CRISPLD1: variants seen among roughly 807,000 people sequenced by gnomAD.
CRISPLD1 encodes the protein cysteine rich secretory protein LCCL domain containing 1.
In CRISPLD1, 60 loss-of-function variants were observed where a neutral mutation model predicts 77.5. That is an observed-to-expected ratio of 0.77 (90% CI 0.63 to 0.96). The LOEUF (loss-of-function observed/expected upper bound fraction) is 0.96, where lower values mean the gene tolerates loss of function less well. Among genes scored for constraint, CRISPLD1 ranks in the 40% least tolerant of loss-of-function variants. The pLI, the probability that CRISPLD1 is intolerant of heterozygous loss-of-function variation, is 0.00. For missense variants in CRISPLD1, 623 were observed against 615.8 expected (o/e 1.01, Z -0.12); for synonymous variants, 195 against 200.1 (o/e 0.97, Z 0.22).
At chr8:75,005,487 T>C (rs1396087439) in intron 2 of CRISPLD1, among the ~76,000 whole-genome samples, 1 of 152,114 alleles carries the variant, frequency 6.6e-6, no homozygotes, top group Non-Finnish European at 1.5e-5. Flanking sequence ...TGCATACTTT[T>C]GTATCTGTCT....
intron 2 of CRISPLD1, among the ~76,000 whole-genome samples, chr8:74,987,931 G>A (rs1812520085): frequency 6.6e-6 from 1 of 152,138 alleles, no homozygotes; most frequent in African/African-American, 2.4e-5. Context: ...AATAATAACT[G>A]CCTATTGTAT....
intron 2 of CRISPLD1, among the ~76,000 whole-genome samples, chr8:75,002,690 C>T (rs926774763): frequency 1.3e-5 from 2 of 151,822 alleles, no homozygotes; most frequent in African/African-American, 4.8e-5. Context: ...AGGGGCAACA[C>T]GTTCTGAAAT....
intron 2 of CRISPLD1, among the ~76,000 whole-genome samples, chr8:75,010,175 C>T (rs1453234995): frequency 6.6e-6 from 1 of 151,988 alleles, no homozygotes; most frequent in Non-Finnish European, 1.5e-5. Flanking sequence ...TGATAATAAA[C>T]TTATTCTAAT....
Position 75,033,147 on chromosome 8 carries a change from A to C in CRISPLD1, c.*905A>C, listed in dbSNP as rs144808555. ...AATATTGCCATATCATGGTACCTATAATGGTGATATATTTGTTTCTATGAA... is the reference window on the plus strand; with the variant it reads ...AATATTGCCATATCATGGTACCTATCATGGTGATATATTTGTTTCTATGAA... On this transcript the variant is annotated 3_prime_UTR_variant, in exon 15 of 15. Transcript: ENST00000262207. 90 of 152,422 alleles carry C rather than the reference A, an allele frequency of 5.9e-4. 1 individual carries two copies. Among genetic ancestry groups the C allele is most frequent in the African/African-American group, 2.0e-3 (85 of 41,538 alleles). 9.4% of individuals were successfully genotyped at this position (152,422 alleles called of 1,614,324 possible). A position where few individuals can be genotyped will look rare whatever the true frequency, so the allele number is the denominator to read the frequency against.
At chr8:74,996,823 A>G (rs114460786) in intron 2 of CRISPLD1, among the ~76,000 whole-genome samples, 3,140 of 149,190 alleles carry the variant, frequency 0.021, 116 homozygotes, top group African/African-American at 0.074. Flanking sequence ...GGCCCAAGCA[A>G]TCCTCCACCT....
intron 7 of CRISPLD1, 69 bp downstream of exon 7, chr8:75,016,774 A>G: frequency 1.3e-6 from 2 of 1,554,952 alleles, no homozygotes; most frequent in Non-Finnish European, 1.7e-6. Context: ...AGATTTTATT[A>G]ATTTGAACAT....
rs751712792 is a variant in CRISPLD1, at chr8:75,017,039, T to A, written c.930-8T>A. The A allele has an allele frequency of 5.6e-6, 9 of 1,609,182 alleles. No individual in the cohort carries two copies. Among genetic ancestry groups the A allele is most frequent in the Non-Finnish European group, 7.6e-6 (9 of 1,177,404 alleles). ...AACTAAATTTTGTGCCCAATTACTT[T>A]TATTTAGGTACGAATGTCCTGCTGG... On this transcript the variant is annotated splice_polypyrimidine_tract_variant and splice_region_variant and intron_variant, in intron 8 of 14. Coordinates refer to ENST00000262207, the MANE Select transcript of CRISPLD1 (RefSeq NM_031461.6).
At chr8:75,016,127 A>G (rs2128786051) in intron 6 of CRISPLD1, among the ~76,000 whole-genome samples, 1 of 152,280 alleles carries the variant, frequency 6.6e-6, no homozygotes, top group East Asian at 1.9e-4. Flanking sequence ...GGGCATGTAA[A>G]TCCTTCTTTA....
Position 74,986,254 on chromosome 8 carries a change from A to AT in CRISPLD1, c.258+14dup, listed in dbSNP as rs749150134. The AT allele has an allele frequency of 6.2e-7, 1 of 1,612,196 alleles. No homozygotes were observed. Among genetic ancestry groups the AT allele is most frequent in the African/African-American group, 1.3e-5 (1 of 74,810 alleles). ...CTAATATGGAGTATATGGTAAGGAC[A>AT]TTTTTCAAGTGGTATGTACAAAAGA... On this transcript the variant is annotated intron_variant, in intron 2 of 14. Transcript: ENST00000262207.
Position 74,993,214 on chromosome 8 carries a change from A to G in CRISPLD1, c.258+6969A>G, listed in dbSNP as rs553162333. The stretch of plus-strand genomic sequence containing the variant: ...TTGATTGCAATGAATATTTTATTGC[A>G]ATTAAGGTTTAATGGCAATTAAGGT... On this transcript the variant is annotated intron_variant, in intron 2 of 14. Coordinates refer to ENST00000262207, the MANE Select transcript of CRISPLD1 (RefSeq NM_031461.6). Among the ~76,000 whole-genome samples, 43 of 152,326 alleles carry G rather than the reference A, an allele frequency of 2.8e-4. 1 individual carries two copies. The South Asian group carries it at 8.7e-3, about 31-fold the overall frequency.
chr8:74,997,283 C>T (rs1030251031), intron 2 of CRISPLD1, among the ~76,000 whole-genome samples: 2 of 151,986 alleles, frequency 1.3e-5, no homozygotes, highest in African/African-American at 4.8e-5. Context: ...AGTGGTTCCA[C>T]GGTATGTTCT....
At chr8:75,006,740 A>G (rs554066498) in intron 2 of CRISPLD1, among the ~76,000 whole-genome samples, 2 of 152,040 alleles carry the variant, frequency 1.3e-5, no homozygotes, top group African/African-American at 2.4e-5. Context: ...CTGTAAAACT[A>G]CTTAACAAAT....
At chr8:75,019,833 A>G (rs776627897) in intron 10 of CRISPLD1, 37 bp from the exon 11 acceptor site, 4 of 1,548,818 alleles carry the variant, frequency 2.6e-6, no homozygotes, top group Admixed American at 1.7e-5. Flanking sequence ...TGATGCCTAT[A>G]TGAAAATAAT....
At chr8:75,000,236 C>G in intron 2 of CRISPLD1, 2 of 985,176 alleles carry the variant, frequency 2.0e-6, no homozygotes, top group Non-Finnish European at 2.4e-6. Context: ...CGTGTCAAAT[C>G]TGTATCTGAA....
intron 13 of CRISPLD1, among the ~76,000 whole-genome samples, 179 bp from the exon 14 acceptor site, chr8:75,029,208 C>T (rs1375747685): frequency 6.6e-6 from 1 of 152,182 alleles, no homozygotes; most frequent in Non-Finnish European, 1.5e-5. Flanking sequence ...TCCAAATTGG[C>T]TTTGACTTTG....
chr8:75,004,347 A>G (rs1198267500), intron 2 of CRISPLD1, among the ~76,000 whole-genome samples: 4 of 152,120 alleles, frequency 2.6e-5, no homozygotes, highest in Non-Finnish European at 5.9e-5. Context: ...GCTGCTTGCC[A>G]TAGTGCATTT....
intron 2 of CRISPLD1, among the ~76,000 whole-genome samples, chr8:75,011,117 T>TG (rs199868098): frequency 6.6e-6 from 1 of 151,528 alleles, no homozygotes; most frequent in Non-Finnish European, 1.5e-5. Context: ...TCTTTTTTTT[T>TG]GTATCTTTAT....
In CRISPLD1 at chr8:75,016,938, A is replaced by G. The variant is rs544907412; in HGVS notation, c.926A>G (p.Asn309Ser). 2.7e-5 allele frequency: 42 copies of G among 1,547,156 alleles called. No individual in the cohort carries two copies. In the East Asian group the frequency reaches 7.9e-4, roughly 29 times the overall value. Residue 309 changes from asparagine (N) to serine (S), a missense_variant, in exon 8 of 15, where the codon AAT (asparagine) becomes AGT (serine). Coordinates refer to ENST00000262207, the MANE Select transcript of CRISPLD1 (RefSeq NM_031461.6). ...GATCAGTGCAAAGGAACAACCTGCA[A>G]TAGGTAATATTTGTTATTATTTTGA... Reference protein sequence around the residue: ...LRDQCKGTTCNRYECPAGCLD... With the variant: ...LRDQCKGTTCSRYECPAGCLD...
At chr8:74,991,469 G>T (rs1812572421) in intron 2 of CRISPLD1, among the ~76,000 whole-genome samples, 1 of 152,132 alleles carries the variant, frequency 6.6e-6, no homozygotes, top group African/African-American at 2.4e-5. Context: ...ATGTTGTCCA[G>T]TCTGCCCCAG....
Sources: gnomAD v4.1 joint callset for allele counts (sites outside exome capture counted in the v4.1 genomes callset) on GRCh38, gnomAD v4.1.1 for gene constraint, MANE v1.5 for transcripts, NCBI Gene and HGNC (gene_info 2026-07-23, HGNC 2026-07-21) for gene names.